AOPEP: variants seen among roughly 807,000 people sequenced by gnomAD.
The protein encoded by AOPEP is aminopeptidase O (putative).
A neutral mutation model predicts 98.1 loss-of-function variants in AOPEP; 77 were observed. The ratio of observed to expected loss-of-function variants is 0.78; its 90% confidence interval spans 0.65 to 0.95. The LOEUF (loss-of-function observed/expected upper bound fraction) is 0.95. Ranked by LOEUF, AOPEP falls within the 40% of genes least tolerant of loss-of-function variation. The pLI is 0.00. For missense variants in AOPEP, 1,024 were observed against 1,024.7 expected (o/e 1.00, Z 0.01); for synonymous variants, 346 against 365.3 (o/e 0.95, Z 0.60).
chr9:95,096,251 G>A, the AOPEP span, among the ~76,000 whole-genome samples: 1 of 152,128 alleles, frequency 6.6e-6, no homozygotes, highest in Non-Finnish European at 1.5e-5. Flanking sequence ...TGATTTACTC[G>A]GCGGGAGATG....
chr9:94,927,116 G>A (rs895406111), intron 6 of AOPEP, among the ~76,000 whole-genome samples: 3 of 152,160 alleles, frequency 2.0e-5, no homozygotes, highest in Non-Finnish European at 4.4e-5. Context: ...TGGCTTGCAG[G>A]TGGCCACGAG....
intron 5 of AOPEP, among the ~76,000 whole-genome samples, chr9:94,860,244 A>G (rs2135404771): frequency 1.3e-5 from 2 of 152,286 alleles, no homozygotes; most frequent in Admixed American, 1.3e-4. Flanking sequence ...GAGGACCCGA[A>G]AGAAGTGTTC....
intron 1 of AOPEP, among the ~76,000 whole-genome samples, chr9:94,738,796 G>A (rs993649685): frequency 6.6e-6 from 1 of 151,798 alleles, no homozygotes; most frequent in African/African-American, 2.4e-5. Context: ...GGATGGTCTC[G>A]ATCTCCTGAC....
At chr9:94,834,803 TGC>T (rs1491239473) in intron 5 of AOPEP, among the ~76,000 whole-genome samples, 24 of 145,236 alleles carry the variant, frequency 1.7e-4, no homozygotes, top group Admixed American at 8.1e-4. Context: ...AATGCATGCA[TGC>T]ATGCATGCAT....
At chr9:94,776,375 C>G (rs1410693411) in intron 3 of AOPEP, among the ~76,000 whole-genome samples, 1 of 152,132 alleles carries the variant, frequency 6.6e-6, no homozygotes, top group Non-Finnish European at 1.5e-5. Flanking sequence ...GATCTCGGCT[C>G]ACTGCAACCT....
At chr9:94,848,433 C>T (rs904654225) in intron 5 of AOPEP, among the ~76,000 whole-genome samples, 1 of 121,580 alleles carries the variant, frequency 8.2e-6, no homozygotes, top group East Asian at 2.5e-4. Context: ...GCCTGGGCGA[C>T]GGAGCGAGAC....
chr9:95,044,857 G>C (rs1346054676), intron 13 of AOPEP, among the ~76,000 whole-genome samples: 1 of 152,174 alleles, frequency 6.6e-6, no homozygotes, highest in East Asian at 1.9e-4. Flanking sequence ...GGGGAAGGGG[G>C]AGAGTGGAGA....
rs749008300 is a variant in AOPEP, at chr9:94,759,790, A to G, written c.7A>G (p.Ile3Val). MD[I>V]QLDPARDDLP... ...TCAAACAATAAACCACATCATGGAC[A>G]TACAGCTGGACCCTGCCAGAGATGA... The change falls in exon 2 of 17, where the codon ATA becomes GTA. Residue 3 changes from isoleucine (I) to valine (V), a missense_variant. Physicochemically the swap from Ile to Val is conservative, Grantham distance 29. This residue lies in a region of AOPEP where 440 missense variants were observed against 433.8 expected (regional missense o/e 1.01). Coordinates refer to ENST00000375315, the MANE Select transcript of AOPEP (RefSeq NM_001193329.3). 6.2e-7 allele frequency: 1 copy of G among 1,613,092 alleles called. No homozygotes were observed. Among genetic ancestry groups the G allele is most frequent in the Non-Finnish European group, 8.5e-7 (1 of 1,179,550 alleles).
chr9:95,078,009 A>G (rs2069274834), intron 14 of AOPEP, among the ~76,000 whole-genome samples: 1 of 152,084 alleles, frequency 6.6e-6, no homozygotes, highest in African/African-American at 2.4e-5. Flanking sequence ...AGCTCTTTAT[A>G]ATGAAAAGAC....
At chr9:94,960,933 A>AC (rs2058785271) in intron 9 of AOPEP, among the ~76,000 whole-genome samples, 1 of 150,052 alleles carries the variant, frequency 6.7e-6, no homozygotes, top group African/African-American at 2.5e-5. Flanking sequence ...AATGGCGTGA[A>AC]CCCGGGAGGC....
chr9:94,874,506 T>C (rs1221515023), intron 5 of AOPEP, among the ~76,000 whole-genome samples: 1 of 152,232 alleles, frequency 6.6e-6, no homozygotes, highest in Admixed American at 6.5e-5. Flanking sequence ...ACTTAGCAGA[T>C]TGGGCAGTAA....
At chr9:94,867,448 A>G (rs1250344170) in intron 5 of AOPEP, among the ~76,000 whole-genome samples, 2 of 152,234 alleles carry the variant, frequency 1.3e-5, no homozygotes, top group Admixed American at 1.3e-4. Flanking sequence ...CAGTCCACGT[A>G]TAAGTCTGCC....
chr9:95,058,390 CT>C (rs2067019100), intron 13 of AOPEP, among the ~76,000 whole-genome samples: 1 of 152,198 alleles, frequency 6.6e-6, no homozygotes, highest in Admixed American at 6.5e-5. Context: ...CTCCCCTTCC[CT>C]GTAATTCTGC....
At chr9:94,760,713 C>T in intron 2 of AOPEP, 133 bp downstream of exon 2, 1 of 667,518 alleles carries the variant, frequency 1.5e-6, no homozygotes, top group Non-Finnish European at 2.4e-6. Flanking sequence ...GCCTCAAATC[C>T]TTAGACCTAC....
downstream of AOPEP, among the ~76,000 whole-genome samples, chr9:95,090,332 C>T (rs994129900): frequency 6.6e-5 from 10 of 152,352 alleles, no homozygotes; most frequent in East Asian, 3.9e-4. Context: ...CCCCTGAGGC[C>T]GCAGAGATGC....
At chr9:95,019,526 C>T (rs767258321) in intron 13 of AOPEP, 2 of 152,124 alleles carry the variant, frequency 1.3e-5, no homozygotes, top group African/African-American at 4.8e-5. Flanking sequence ...TAAGATTGGG[C>T]CCATGTGCAT....
chr9:95,068,620 G>C (rs2068156664), intron 14 of AOPEP, among the ~76,000 whole-genome samples: 1 of 152,022 alleles, frequency 6.6e-6, no homozygotes, highest in African/African-American at 2.4e-5. Context: ...TATCCCTTGA[G>C]GTATAAAAAT....
intron 7 of AOPEP, among the ~76,000 whole-genome samples, chr9:94,936,260 AGT>A (rs2056257087): frequency 6.6e-6 from 1 of 152,150 alleles, no homozygotes; most frequent in Non-Finnish European, 1.5e-5. Context: ...CAAGCCCCTT[AGT>A]GTGGCATGCA....
intron 5 of AOPEP, among the ~76,000 whole-genome samples, chr9:94,888,196 CTT>C (rs2048447659): frequency 6.6e-6 from 1 of 152,042 alleles, no homozygotes. Flanking sequence ...GTTTTATTCT[CTT>C]CTCCACAAAA....
Sources: allele counts gnomAD v4.1 joint callset (sites outside exome capture counted in the v4.1 genomes callset), GRCh38; gene constraint gnomAD v4.1.1; regional missense constraint gnomAD v4.1.1; transcripts MANE v1.5; gene names NCBI Gene and HGNC (gene_info 2026-07-23, HGNC 2026-07-21).